Variants in ALDH3B1 observed in about 807,000 individuals in gnomAD.
The protein encoded by ALDH3B1 is aldehyde dehydrogenase 3 family member B1.
Under a neutral mutation model 46.2 loss-of-function variants are expected in ALDH3B1, and 37 were observed. The ratio of observed to expected loss-of-function variants is 0.80; its 90% confidence interval spans 0.62 to 1.05. The LOEUF is 1.05. ALDH3B1 is among the 50% of genes least tolerant of loss of function. The pLI is 0.00. For synonymous variants in ALDH3B1, 283 were observed against 281.0 expected, an observed-to-expected ratio of 1.01 and a Z score of -0.07; for missense variants, 603 against 665.5, an observed-to-expected ratio of 0.91 and a Z score of 1.03.
chr11:68,010,962 G>A (rs1481681263), intron 1 of ALDH3B1, among the ~76,000 whole-genome samples: 2 of 152,208 alleles, frequency 1.3e-5, no homozygotes, highest in African/African-American at 2.4e-5. Context: ...TGCCCCATCA[G>A]GGAGCCGAGG....
intron 5 of ALDH3B1, 36 bp from the exon 6 acceptor site, chr11:68,019,679 G>A: frequency 6.2e-7 from 1 of 1,608,840 alleles, no homozygotes. Flanking sequence ...TCGGAGCTGG[G>A]GTCCCAGAAG....
intron 2 of ALDH3B1, 144 bp from the exon 3 acceptor site, chr11:68,018,383 C>G (rs919410156): frequency 2.9e-6 from 2 of 693,618 alleles, no homozygotes; most frequent in South Asian, 1.9e-5. Flanking sequence ...ACAGGAAGCA[C>G]GCACTGAACA....
At chr11:68,010,968 C>T (rs1180168458) in intron 1 of ALDH3B1, among the ~76,000 whole-genome samples, 3 of 152,174 alleles carry the variant, frequency 2.0e-5, no homozygotes, top group Non-Finnish European at 4.4e-5. Flanking sequence ...ATCAGGGAGC[C>T]GAGGCTGTTC....
At chr11:68,019,087 G>A in intron 4 of ALDH3B1, 83 bp from the exon 5 acceptor site, 1 of 1,496,524 alleles carries the variant, frequency 6.7e-7, no homozygotes, top group Admixed American at 2.0e-5. Flanking sequence ...GAAAGTGGGT[G>A]AGGCTGATGC....
Position 68,028,271 on chromosome 11 carries a change from G to C in ALDH3B1, c.*332G>C. The C allele has an allele frequency of 8.7e-6, 4 of 461,328 alleles. No homozygotes were observed. The highest frequency in any genetic ancestry group is 1.3e-5 in the Non-Finnish European group (3 of 238,154). 28.6% of individuals were successfully genotyped at this position (461,328 alleles called of 1,614,324 possible). On this transcript the variant is annotated 3_prime_UTR_variant, in exon 10 of 10. Coordinates refer to ENST00000342456, the MANE Select transcript of ALDH3B1 (RefSeq NM_000694.4). ...CCCCTCTCCTGTGGAGCGGGCGTCC[G>C]AGGGGCCCTGGCATCTGACTCAGGC...
chr11:68,022,438 T>C (rs1857522271), intron 7 of ALDH3B1, among the ~76,000 whole-genome samples, 157 bp from the exon 8 acceptor site: 1 of 152,166 alleles, frequency 6.6e-6, no homozygotes, highest in South Asian at 2.1e-4. Context: ...TGGGGAGACT[T>C]TCTTCCCTAA....
At chr11:68,020,274 G>T (rs1182480633) in intron 6 of ALDH3B1, among the ~76,000 whole-genome samples, 1 of 151,992 alleles carries the variant, frequency 6.6e-6, no homozygotes, top group Non-Finnish European at 1.5e-5. Flanking sequence ...TGTCACCCAG[G>T]CAGTGGCACA....
chr11:68,014,849 A>G lies in ALDH3B1; in HGVS notation c.-1-448A>G, dbSNP rs556287831. 3 of 159,174 alleles carry G rather than the reference A, an allele frequency of 1.9e-5. No homozygotes were observed. In the Admixed American group the frequency reaches 1.9e-4, roughly 10 times the overall value. 9.9% of individuals were successfully genotyped at this position (159,174 alleles called of 1,614,324 possible). On this transcript the variant is annotated intron_variant, in intron 1 of 9. Coordinates refer to ENST00000342456, the MANE Select transcript of ALDH3B1 (RefSeq NM_000694.4). ...CTCTACTCATCAAGCTCCTGCTTAC[A>G]CCATTCAGACTGGCAGGGGTGAGGC...
In ALDH3B1 at chr11:68,019,260, G is replaced by A. The variant is rs1857430602; in HGVS notation, c.480+5G>A. ...CTGCCCCAATACGTGGACCAGGTGA[G>A]CAGGGCTGCCGGGCAGGTAGAGCGG... On this transcript the variant is annotated splice_donor_5th_base_variant and intron_variant, in intron 5 of 9. Coordinates refer to ENST00000342456, the MANE Select transcript of ALDH3B1 (RefSeq NM_000694.4). 6.2e-7 allele frequency: 1 copy of A among 1,611,788 alleles called. No individual in the cohort carries two copies. Among genetic ancestry groups the A allele is most frequent in the Admixed American group, 1.7e-5 (1 of 59,764 alleles).
At position 68,021,815 on chromosome 11, in the gene ALDH3B1, T is replaced by C. The variant is rs1857505621; in HGVS notation, c.893T>C (p.Leu298Pro). The C allele has an allele frequency of 6.2e-7, 1 of 1,613,964 alleles. No individual in the cohort carries two copies. Among genetic ancestry groups the C allele is most frequent in the Admixed American group, 1.7e-5 (1 of 59,994 alleles). The change falls in exon 7 of 10, where the codon CTG becomes CCG. Residue 298 changes from leucine (L) to proline (P), a missense_variant. Physicochemically the swap from Leu to Pro is moderately conservative, Grantham distance 98. Coordinates refer to ENST00000342456, the MANE Select transcript of ALDH3B1 (RefSeq NM_000694.4). ...CAGTTCCAGCGGCTGCGGGCATTGC[T>C]GGGCTGCGGCCGTGTGGCCATTGGG... ...QKQFQRLRALLGCGRVAIGGQ... is the reference protein window; with the variant it reads ...QKQFQRLRALPGCGRVAIGGQ...
At position 68,020,566 on chromosome 11, in the gene ALDH3B1, A is replaced by C. The variant is rs12286110; in HGVS notation, c.562+770A>C. ...TTTTGAGCTAGGGAGGGGCAGAGGG[A>C]GCGAGAGGAAGACAGTGGTGCTGGC... On this transcript the variant is annotated intron_variant, in intron 6 of 9. Coordinates refer to ENST00000342456, the MANE Select transcript of ALDH3B1 (RefSeq NM_000694.4). Among the ~76,000 whole-genome samples, 597 of 152,254 alleles carry C rather than the reference A, an allele frequency of 3.9e-3. 1 individual carries two copies. The highest frequency in any genetic ancestry group is 0.011 in the African/African-American group (458 of 41,540).
chr11:68,028,233 C>A lies in ALDH3B1; in HGVS notation c.*294C>A, dbSNP rs774494608. ...ATTCAGGAGAAGAGGACAGACACGGCACCTCTGAGTCACCCCTCTCCTGTG... is the reference window on the plus strand; with the variant it reads ...ATTCAGGAGAAGAGGACAGACACGGAACCTCTGAGTCACCCCTCTCCTGTG... On this transcript the variant is annotated 3_prime_UTR_variant, in exon 10 of 10. Coordinates refer to ENST00000342456, the MANE Select transcript of ALDH3B1 (RefSeq NM_000694.4). 24 of 582,416 alleles carry A rather than the reference C, an allele frequency of 4.1e-5. No homozygotes were observed. Among genetic ancestry groups the A allele is most frequent in the Non-Finnish European group, 7.4e-5 (23 of 309,054 alleles). The allele number at this position is 582,416 out of a possible 1,614,324, so 36.1% of individuals were successfully genotyped here.
At chr11:68,019,600 G>C (rs1857438388) in intron 5 of ALDH3B1, 115 bp from the exon 6 acceptor site, 4 of 1,172,412 alleles carry the variant, frequency 3.4e-6, no homozygotes, top group Non-Finnish European at 3.7e-6. Flanking sequence ...CTAGAGCCCT[G>C]GCTGGGTCAG....
intron 8 of ALDH3B1, among the ~76,000 whole-genome samples, chr11:68,023,171 G>A (rs1348318443): frequency 6.6e-6 from 1 of 152,198 alleles, no homozygotes; most frequent in East Asian, 1.9e-4. Flanking sequence ...CCCTGCTTAA[G>A]CTGCAGAGGC....
intron 8 of ALDH3B1, among the ~76,000 whole-genome samples, chr11:68,023,983 A>T (rs975912072): frequency 2.6e-5 from 4 of 152,040 alleles, no homozygotes; most frequent in Non-Finnish European, 5.9e-5. Flanking sequence ...AAAAAAAAAA[A>T]AAGTGACAGC....
At chr11:68,010,555 G>A (rs551391529) in intron 1 of ALDH3B1, among the ~76,000 whole-genome samples, 163 bp downstream of exon 1, 50 of 152,338 alleles carry the variant, frequency 3.3e-4, no homozygotes, top group South Asian at 6.2e-4. Flanking sequence ...CCTGCTGGGG[G>A]AGAAAGCGGA....
In ALDH3B1 at chr11:68,019,245, A is replaced by G. The variant is rs1347185916; in HGVS notation, c.470A>G (p.Tyr157Cys). The stretch of plus-strand genomic sequence containing the variant: ...ATCCTGGCCGAGGTGCTGCCCCAAT[A>G]CGTGGACCAGGTGAGCAGGGCTGCC... ...EKILAEVLPQ[Y>C]VDQSCFAVVL... Residue 157 changes from tyrosine to cysteine, a missense_variant, in exon 5 of 10, where the codon TAC (tyrosine) becomes TGC (cysteine). Physicochemically the swap from Tyr to Cys is radical, Grantham distance 194. Coordinates refer to ENST00000342456, the MANE Select transcript of ALDH3B1 (RefSeq NM_000694.4). 6.2e-7 allele frequency: 1 copy of G among 1,612,808 alleles called. No homozygotes were observed. The highest frequency in any genetic ancestry group is 8.5e-7 in the Non-Finnish European group (1 of 1,179,534).
At chr11:68,026,238 A>T (rs932313906) in intron 9 of ALDH3B1, 130 bp downstream of exon 9, 1 of 735,858 alleles carries the variant, frequency 1.4e-6, no homozygotes, top group Non-Finnish European at 2.1e-6. Flanking sequence ...GCCTCACCCC[A>T]GAACCCGCAT....
At chr11:68,015,152 T>A in intron 1 of ALDH3B1, 145 bp from the exon 2 acceptor site, 1 of 854,898 alleles carries the variant, frequency 1.2e-6, no homozygotes, top group East Asian at 2.8e-5. Flanking sequence ...TCTGAGTGGG[T>A]CCCTGTGTGT....
Sources: allele counts gnomAD v4.1 joint callset (sites outside exome capture counted in the v4.1 genomes callset), GRCh38; gene constraint gnomAD v4.1.1; transcripts MANE v1.5; gene names NCBI Gene and HGNC (gene_info 2026-07-23, HGNC 2026-07-21).